Variants in RUFY1 observed in about 807,000 individuals in gnomAD.
RUFY1 encodes the protein RUN and FYVE domain-containing protein 1.
Under a neutral mutation model 94.6 loss-of-function variants are expected in RUFY1, and 54 were observed. The observed-to-expected ratio is 0.57, with a 90% CI of 0.46 to 0.72. The LOEUF (loss-of-function observed/expected upper bound fraction) is 0.72, where lower values mean the gene tolerates loss of function less well. RUFY1 is among the 30% of genes least tolerant of loss of function. RUFY1 has a pLI of 0.00. For missense variants in RUFY1, 883 were observed against 883.9 expected, an observed-to-expected ratio of 1.00 and a Z score of 0.01; for synonymous variants, 396 against 347.3, an observed-to-expected ratio of 1.14 and a Z score of -1.56.
Position 179,569,330 on chromosome 5 carries a change from A to T in RUFY1, c.733A>T (p.Met245Leu). ...SEFYEPEALM[M>L]EEEGMVIVGL... The stretch of plus-strand genomic sequence containing the variant: ...GTTCTATGAGCCTGAGGCTTTAATG[A>T]TGGAGGAAGAAGGGATGGTGATTGT... The change falls in exon 5 of 18, where the codon ATG becomes TTG. Residue 245 changes from methionine to leucine, a missense_variant. Met to Leu is a conservative substitution (Grantham distance 15, BLOSUM62 2). Coordinates refer to ENST00000319449, the MANE Select transcript of RUFY1 (RefSeq NM_025158.5). The T allele has an allele frequency of 6.2e-7, 1 of 1,613,730 alleles. No individual in the cohort carries two copies.
rs898991577 is a variant in RUFY1 at position 179,591,737 on chromosome 5, G to C, written c.1241G>C (p.Arg414Pro). ...CAGCTAAAAGAGGAGAAGAAAGTCC[G>C]GTTGGTGAGTGTGCAAGACCGAGTG... ...WKQLKEEKKV[R>P]LELEKELELQ... Residue 414 changes from arginine (R) to proline (P), a missense_variant, in exon 10 of 18, where the codon CGG becomes CCG. By Grantham distance (103) the Arg-to-Pro change is moderately radical. Coordinates refer to ENST00000319449, the MANE Select transcript of RUFY1 (RefSeq NM_025158.5). 1.3e-6 allele frequency: 2 copies of C among 1,588,114 alleles called. No homozygotes were observed. The highest frequency in any genetic ancestry group is 2.7e-5 in the African/African-American group (2 of 74,038).
chr5:179,602,012 C>A, intron 15 of RUFY1, 26 bp downstream of exon 15: 2 of 1,559,986 alleles, frequency 1.3e-6, no homozygotes, highest in Non-Finnish European at 1.8e-6. Context: ...CCCTTGTCTG[C>A]CACTGCAGGC....
chr5:179,554,255 G>A (rs1212013833), intron 1 of RUFY1, among the ~76,000 whole-genome samples: 1 of 152,288 alleles, frequency 6.6e-6, no homozygotes, highest in African/African-American at 2.4e-5. Context: ...ATGTTGTCCC[G>A]GTCGGGTGCA....
At chr5:179,556,256 C>T (rs1363308853) in intron 1 of RUFY1, among the ~76,000 whole-genome samples, 2 of 152,032 alleles carry the variant, frequency 1.3e-5, no homozygotes, top group East Asian at 3.9e-4. Context: ...TTCCATTCCA[C>T]TTCTGCCATA....
At chr5:179,567,378 T>C (rs1762907077) in intron 3 of RUFY1, 83 bp from the exon 4 acceptor site, 1 of 983,016 alleles carries the variant, frequency 1.0e-6, no homozygotes, top group Non-Finnish European at 1.6e-6. Flanking sequence ...GTGTTTCCTA[T>C]GTGTCTCCCT....
At position 179,609,774 on chromosome 5, in the gene RUFY1, A is replaced by G. The variant is rs1767541556; in HGVS notation, c.*255A>G. ...ACGGCTCTGGTTCAGATACAACTTC[A>G]TGATTTTGCTACTATCATTTTTCAC... On this transcript the variant is annotated 3_prime_UTR_variant, in exon 18 of 18. Coordinates refer to ENST00000319449, the MANE Select transcript of RUFY1 (RefSeq NM_025158.5). 2 of 407,980 alleles carry G rather than the reference A, an allele frequency of 4.9e-6. No homozygotes were observed. The highest frequency in any genetic ancestry group is 4.4e-6 in the Non-Finnish European group (1 of 229,784). The allele number at this position is 407,980 out of a possible 1,614,324, so 25.3% of individuals were successfully genotyped here.
chr5:179,582,930 A>G (rs1341910601), intron 7 of RUFY1, among the ~76,000 whole-genome samples: 1 of 152,202 alleles, frequency 6.6e-6, no homozygotes, highest in Non-Finnish European at 1.5e-5. Context: ...GTTATGTAGC[A>G]TTGCAAAATG....
chr5:179,591,455 A>G (rs919862336), intron 9 of RUFY1, among the ~76,000 whole-genome samples, 170 bp from the exon 10 acceptor site: 12 of 152,234 alleles, frequency 7.9e-5, no homozygotes, highest in East Asian at 3.9e-4. Context: ...AAGTGCTGGG[A>G]TTACAGGCGT....
chr5:179,604,893 A>G (rs1187729996), intron 15 of RUFY1, among the ~76,000 whole-genome samples: 1 of 151,782 alleles, frequency 6.6e-6, no homozygotes, highest in Non-Finnish European at 1.5e-5. Flanking sequence ...CTGAGGCAGG[A>G]GAATTGCTTG....
At chr5:179,559,539 G>A (rs1762280681) in intron 1 of RUFY1, among the ~76,000 whole-genome samples, 1 of 152,212 alleles carries the variant, frequency 6.6e-6, no homozygotes, top group Non-Finnish European at 1.5e-5. Context: ...CTCCGTCCGG[G>A]ACAGAGGGTG....
chr5:179,603,200 G>C (rs185835879), intron 15 of RUFY1, among the ~76,000 whole-genome samples: 6 of 151,920 alleles, frequency 3.9e-5, no homozygotes, highest in Admixed American at 3.9e-4. Context: ...GGGAGGCAGA[G>C]GTTGCAGTAA....
In RUFY1 at chr5:179,580,898, T is replaced by C. The variant is rs996331023; in HGVS notation, c.891-49T>C. 4.9e-6 allele frequency: 5 copies of C among 1,023,340 alleles called. No homozygotes were observed. In the African/African-American group the frequency reaches 6.4e-5, roughly 13 times the overall value. The allele number at this position is 1,023,340 out of a possible 1,614,324, so 63.4% of individuals were successfully genotyped here. On this transcript the variant is annotated intron_variant, in intron 6 of 17. Transcript: ENST00000319449. ...AATATTGGGGAACAGTTACAAAGTATTAACCATTAATAAAAAAAAGTTCTT... is the reference window on the plus strand; with the variant it reads ...AATATTGGGGAACAGTTACAAAGTACTAACCATTAATAAAAAAAAGTTCTT...
rs1182796142 is a variant in RUFY1, at chr5:179,550,802, C to G, written c.233C>G (p.Ser78Trp). ...TLARRATGNL[S>W]ASCGSALRAA... ...GCACGCAGGGCCACCGGGAACCTGT[C>G]GGCGAGCTGCGGGAGCGCGCTGCGC... Residue 78 changes from serine to tryptophan, a missense_variant, in exon 1 of 18, where the codon TCG becomes TGG. Coordinates refer to ENST00000319449, the MANE Select transcript of RUFY1 (RefSeq NM_025158.5). The G allele has an allele frequency of 7.4e-5, 98 of 1,318,948 alleles. No homozygotes were observed. Among genetic ancestry groups the G allele is most frequent in the Non-Finnish European group, 9.4e-5 (97 of 1,033,672 alleles). The allele number at this position is 1,318,948 out of a possible 1,614,324, so 81.7% of individuals were successfully genotyped here.
rs979552210 is a variant in RUFY1 at position 179,550,800 on chromosome 5, G to A, written c.231G>A (p.Leu77=). Residue 77 remains leucine (L), a synonymous_variant, in exon 1 of 18, where the codon CTG becomes CTA. Transcript: ENST00000319449. ...TGGCACGCAGGGCCACCGGGAACCTGTCGGCGAGCTGCGGGAGCGCGCTGC... is the reference window on the plus strand; with the variant it reads ...TGGCACGCAGGGCCACCGGGAACCTATCGGCGAGCTGCGGGAGCGCGCTGC... ...LTLARRATGN[L]SASCGSALRA... 2 of 1,327,394 alleles carry A rather than the reference G, an allele frequency of 1.5e-6. No homozygotes were observed. The highest frequency in any genetic ancestry group is 3.1e-5 in the African/African-American group (2 of 65,114). The allele number at this position is 1,327,394 out of a possible 1,614,324, so 82.2% of individuals were successfully genotyped here. A position where few individuals can be genotyped will look rare whatever the true frequency, so the allele number is the denominator to read the frequency against.
At chr5:179,599,780 G>C (rs951291820) in intron 14 of RUFY1, 1 of 152,482 alleles carries the variant, frequency 6.6e-6, no homozygotes, top group East Asian at 1.9e-4. Context: ...GCTGCCGAGC[G>C]CTGCAGGAAA....
chr5:179,560,134 G>A lies in RUFY1; in HGVS notation c.420G>A (p.Ala140=), dbSNP rs1186202667. Residue 140 remains alanine, a synonymous_variant, in exon 2 of 18, where the codon GCG becomes GCA. Transcript: ENST00000319449. ...SALSLGRSLD[A]DHAPLQQFFV... ...TGAGCCTGGGCCGCAGCCTGGATGCGGACCATGCCCCCTTGCAGCAGTTCT... is the reference window on the plus strand; with the variant it reads ...TGAGCCTGGGCCGCAGCCTGGATGCAGACCATGCCCCCTTGCAGCAGTTCT... The A allele has an allele frequency of 4.3e-6, 7 of 1,613,914 alleles. No homozygotes were observed. Among genetic ancestry groups the A allele is most frequent in the Non-Finnish European group, 5.9e-6 (7 of 1,179,986 alleles).
intron 5 of RUFY1, among the ~76,000 whole-genome samples, chr5:179,576,520 A>G (rs931185391): frequency 2.6e-5 from 4 of 152,334 alleles, no homozygotes; most frequent in Middle Eastern, 3.4e-3. Context: ...TCCCAGGTTC[A>G]AGCGATTCTC....
At chr5:179,602,983 A>G (rs1436607431) in intron 15 of RUFY1, among the ~76,000 whole-genome samples, 1 of 152,180 alleles carries the variant, frequency 6.6e-6, no homozygotes, top group East Asian at 1.9e-4. Context: ...TATTAAGAAA[A>G]TAGGCCGGGT....
chr5:179,602,034 CCCA>C, intron 15 of RUFY1, 48 bp downstream of exon 15: 1 of 1,441,914 alleles, frequency 6.9e-7, no homozygotes, highest in Non-Finnish European at 9.8e-7. Context: ...CACCAGGCTA[CCCA>C]CCACATCCCT....
Sources: allele counts gnomAD v4.1 joint callset (sites outside exome capture counted in the v4.1 genomes callset), GRCh38; gene constraint gnomAD v4.1.1; transcripts MANE v1.5; gene names NCBI Gene and HGNC (gene_info 2026-07-23, HGNC 2026-07-21).